The following ZSCAN4 variants were observed in gnomAD, a reference collection of about 807,000 sequenced individuals.
The protein encoded by ZSCAN4 is zinc finger and SCAN domain containing 4.
A neutral mutation model predicts 18.3 loss-of-function variants in ZSCAN4; 18 were observed. The observed-to-expected ratio is 0.98, with a 90% CI of 0.68 to 1.46. The LOEUF is 1.46. ZSCAN4 is among the 40% of genes most tolerant of loss of function. The pLI is 0.00. For missense variants in ZSCAN4, 498 were observed against 511.4 expected (o/e 0.97, Z 0.25); for synonymous variants, 193 against 180.3 (o/e 1.07, Z -0.57).
intron 2 of ZSCAN4, among the ~76,000 whole-genome samples, chr19:57,673,926 A>G (rs751681099): frequency 6.6e-6 from 1 of 152,004 alleles, no homozygotes; most frequent in Non-Finnish European, 1.5e-5. Flanking sequence ...GCTAATTTTT[A>G]TATTTTTAGT....
chr19:57,663,599 C>T, the ZSCAN4 span, among the ~76,000 whole-genome samples: 3 of 142,702 alleles, frequency 2.1e-5, no homozygotes, highest in South Asian at 2.3e-4. Context: ...TTCAGCTACT[C>T]GGGAGGCTGA....
chr19:57,656,697 C>T, the ZSCAN4 span, among the ~76,000 whole-genome samples: 2 of 152,230 alleles, frequency 1.3e-5, no homozygotes, highest in African/African-American at 4.8e-5. Context: ...TTTGTGAAAC[C>T]TCTATCTAAT....
chr19:57,652,121 C>T, the ZSCAN4 span, among the ~76,000 whole-genome samples: 7 of 152,264 alleles, frequency 4.6e-5, no homozygotes, highest in Admixed American at 2.6e-4. Context: ...ACACCTATCT[C>T]ACCCTCCTGG....
At chr19:57,672,133 CA>C (rs778236402) in intron 2 of ZSCAN4, among the ~76,000 whole-genome samples, 6 of 152,128 alleles carry the variant, frequency 3.9e-5, no homozygotes, top group South Asian at 2.1e-4. Flanking sequence ...CAATTTCAAG[CA>C]ATGCAAACTC....
chr19:57,673,797 A>T (rs1350727844), intron 2 of ZSCAN4, among the ~76,000 whole-genome samples: 1 of 152,132 alleles, frequency 6.6e-6, no homozygotes, highest in East Asian at 1.9e-4. Context: ...TGTGTTGCCT[A>T]AGCTGAAGTG....
exon 5 of ZSCAN4, chr19:57,678,643 A>C: frequency 6.2e-7 from 1 of 1,614,104 alleles, no homozygotes. Context: ...GAGTGTCAAA[A>C]AGGCTTCTTC....
the ZSCAN4 span, among the ~76,000 whole-genome samples, chr19:57,656,536 G>C: frequency 6.6e-6 from 1 of 152,108 alleles, no homozygotes; most frequent in Non-Finnish European, 1.5e-5. Context: ...CCCAGTTTGT[G>C]GTCAGACTTC....
At chr19:57,672,374 T>G (rs1403962989) in intron 2 of ZSCAN4, among the ~76,000 whole-genome samples, 1 of 152,082 alleles carries the variant, frequency 6.6e-6, no homozygotes, top group Non-Finnish European at 1.5e-5. Flanking sequence ...GCCTAATAAG[T>G]TTTCAGCCAG....
upstream of ZSCAN4, among the ~76,000 whole-genome samples, chr19:57,666,619 C>T (rs1028988082): frequency 1.3e-5 from 2 of 150,994 alleles, no homozygotes; most frequent in African/African-American, 4.9e-5. Context: ...TGTGGTGGCT[C>T]ACGCCTGTAA....
intron 3 of ZSCAN4, 90 bp from the exon 4 acceptor site, chr19:57,677,824 C>T (rs1288367180): frequency 7.9e-7 from 1 of 1,259,712 alleles, no homozygotes; most frequent in Non-Finnish European, 1.1e-6. Context: ...CTTGAGGGAG[C>T]TTGTGAGAGC....
chr19:57,665,974 C>T (rs567658954), upstream of ZSCAN4, among the ~76,000 whole-genome samples: 5 of 152,274 alleles, frequency 3.3e-5, no homozygotes, highest in South Asian at 1.0e-3. Context: ...AGAAAATCAT[C>T]TTAGGACAAT....
chr19:57,658,851 A>AG, the ZSCAN4 span, among the ~76,000 whole-genome samples: 12 of 151,578 alleles, frequency 7.9e-5, no homozygotes, highest in Non-Finnish European at 1.2e-4. Context: ...AAAAAAAAAA[A>AG]AAGAAGTAAT....
the ZSCAN4 span, among the ~76,000 whole-genome samples, chr19:57,663,702 T>C: frequency 1.0e-4 from 9 of 86,534 alleles, no homozygotes; most frequent in African/African-American, 4.8e-4. Context: ...AGTGACAACC[T>C]GTCTCAAAAA....
At chr19:57,678,041 C>G (rs746834151) in exon 4 of ZSCAN4, 1 of 1,589,200 alleles carries the variant, frequency 6.3e-7, no homozygotes, top group Non-Finnish European at 8.5e-7. Context: ...GGGACACCCT[C>G]CCAGACTTCC....
intron 2 of ZSCAN4, among the ~76,000 whole-genome samples, chr19:57,670,868 C>CTT (rs10684021): frequency 0.13 from 19,209 of 146,558 alleles, 1,524 homozygotes; most frequent in African/African-American, 0.22. Context: ...TCTAGTAATT[C>CTT]TTTTTTTTTT....
exon 3 of ZSCAN4, chr19:57,676,081 C>G (rs1324117594): frequency 6.8e-7 from 1 of 1,478,490 alleles, no homozygotes; most frequent in African/African-American, 1.4e-5. Context: ...GAAACAAATC[C>G]CTAGAGACAC....
the ZSCAN4 span, among the ~76,000 whole-genome samples, chr19:57,657,266 T>C: frequency 4.0e-5 from 6 of 151,010 alleles, no homozygotes; most frequent in Non-Finnish European, 7.4e-5. Flanking sequence ...GCCCTCCGTC[T>C]GTCTGCAACA....
intron 2 of ZSCAN4, among the ~76,000 whole-genome samples, chr19:57,673,279 G>C (rs752459839): frequency 1.3e-5 from 2 of 151,712 alleles, no homozygotes; most frequent in Admixed American, 6.6e-5. Flanking sequence ...CGCCTGTCTC[G>C]GCCTCCCAAA....
chr19:57,676,438 G>C (rs1342500542), exon 3 of ZSCAN4: 1 of 1,614,190 alleles, frequency 6.2e-7, no homozygotes, highest in Admixed American at 1.7e-5. Context: ...GGTGGCCACT[G>C]CAATGACAAA....
Sources: gnomAD v4.1 joint callset for allele counts (sites outside exome capture counted in the v4.1 genomes callset) on GRCh38, gnomAD v4.1.1 for gene constraint, MANE v1.5 for transcripts, NCBI Gene and HGNC (gene_info 2026-07-23, HGNC 2026-07-21) for gene names.